The following EHMT1 variants were observed in gnomAD, a reference collection of about 807,000 sequenced individuals.
The protein encoded by EHMT1 is histone-lysine N-methyltransferase EHMT1.
In EHMT1, 15 loss-of-function variants were observed where a neutral mutation model predicts 147.2. The observed-to-expected ratio is 0.10, with a 90% CI of 0.07 to 0.16. The LOEUF (loss-of-function observed/expected upper bound fraction) is 0.16, where lower values mean the gene tolerates loss of function less well. EHMT1 is among the 10% of genes least tolerant of loss of function. EHMT1 has a pLI of 1.00. For synonymous variants in EHMT1, 795 were observed against 709.6 expected, an observed-to-expected ratio of 1.12 and a Z score of -1.91; for missense variants, 1,587 against 1,772.4, an observed-to-expected ratio of 0.90 and a Z score of 1.88.
chr9:137,679,575 G>T (rs1941739448), intron 1 of EHMT1, among the ~76,000 whole-genome samples: 1 of 152,154 alleles, frequency 6.6e-6, no homozygotes, highest in Non-Finnish European at 1.5e-5. Flanking sequence ...TGATGGGGTT[G>T]AGCATTTTCC....
rs1951474440 is a variant in EHMT1 at position 137,781,182 on chromosome 9, G to GTGACGACGCCGA, written c.2276-1109_2276-1108insTGACGACGCCGA. The stretch of plus-strand genomic sequence containing the variant: ...GCTGAGACGTGTGGTGATGACGCTG[G>GTGACGACGCCGA]GACGTGTGGTGACGACGCTGAGACG... On this transcript the variant is annotated intron_variant, in intron 14 of 26. Transcript: ENST00000460843. Among the ~76,000 whole-genome samples the GTGACGACGCCGA allele has an allele frequency of 1.7e-3, 5 of 2,934 alleles. 1 individual carries two copies. Among genetic ancestry groups the GTGACGACGCCGA allele is most frequent in the African/African-American group, 3.7e-3 (1 of 270 alleles). The allele number at this position is 2,934 out of a possible 152,430, so 1.9% of individuals were successfully genotyped here. A position where few individuals can be genotyped will look rare whatever the true frequency, so the allele number is the denominator to read the frequency against.
At chr9:137,739,601 C>A (rs1430955672) in intron 4 of EHMT1, among the ~76,000 whole-genome samples, 2 of 152,160 alleles carry the variant, frequency 1.3e-5, no homozygotes, top group Non-Finnish European at 2.9e-5. Context: ...CTGCAGGTCC[C>A]TGCTGGGTTC....
At chr9:137,646,475 C>A in intron 1 of EHMT1, 3 of 980,724 alleles carry the variant, frequency 3.1e-6, no homozygotes, top group Non-Finnish European at 3.6e-6. Context: ...GGAGTGCTCC[C>A]GTTTTGTGGG....
At chr9:137,728,550 G>A (rs2135785649) in intron 4 of EHMT1, 21 bp downstream of exon 4, 1 of 1,613,964 alleles carries the variant, frequency 6.2e-7, no homozygotes, top group Non-Finnish European at 8.5e-7. Flanking sequence ...CCCGGCAACT[G>A]TCTCTGCTCT....
intron 9 of EHMT1, among the ~76,000 whole-genome samples, chr9:137,760,495 T>C (rs991386991): frequency 2.0e-4 from 30 of 152,292 alleles, no homozygotes; most frequent in Admixed American, 1.7e-3. Context: ...TCCTGGTCTT[T>C]AGGGGTTTGG....
intron 24 of EHMT1, 28 bp downstream of exon 24, chr9:137,817,553 C>G: frequency 6.2e-7 from 1 of 1,613,772 alleles, no homozygotes; most frequent in Non-Finnish European, 8.5e-7. Context: ...TCACCCCAAG[C>G]CTGGTGTCAT....
chr9:137,767,783 A>G (rs898831394), intron 10 of EHMT1, among the ~76,000 whole-genome samples: 2 of 152,190 alleles, frequency 1.3e-5, no homozygotes, highest in Non-Finnish European at 2.9e-5. Flanking sequence ...ACTGCACTCC[A>G]GCCTGGGCGA....
chr9:137,819,757 G>A lies in EHMT1; in HGVS notation c.3540+1619G>A, dbSNP rs139707186. Among the ~76,000 whole-genome samples the A allele has an allele frequency of 1.8e-3, 270 of 152,044 alleles. 1 individual carries two copies. Among genetic ancestry groups the A allele is most frequent in the Admixed American group, 3.1e-3 (48 of 15,284 alleles). ...TGAGCCTCCTGGATTGTGCACAGAG[G>A]CCAACAGACACGTCCCTTGTGTCCC... On this transcript the variant is annotated intron_variant, in intron 25 of 26. Transcript: ENST00000460843.
Position 137,787,632 on chromosome 9 carries a change from A to C in EHMT1, c.2383-3216A>C. ...TCCCTGGCAACAAGCTGGGGGTGGA[A>C]GCGGGAGGGAGGAGGGGCCTGTCTT... On this transcript the variant is annotated intron_variant, in intron 15 of 26. Coordinates refer to ENST00000460843, the MANE Select transcript of EHMT1 (RefSeq NM_024757.5). This position sits in a 1 kb window ranked among gnomAD's most constrained non-coding sequence, Gnocchi z 4.2. 3.8e-6 allele frequency: 2 copies of C among 526,172 alleles called. No individual in the cohort carries two copies. The highest frequency in any genetic ancestry group is 3.4e-6 in the Non-Finnish European group (1 of 291,780). 32.6% of individuals were successfully genotyped at this position (526,172 alleles called of 1,614,324 possible).
intron 1 of EHMT1, among the ~76,000 whole-genome samples, chr9:137,697,697 C>T (rs538938003): frequency 6.6e-6 from 1 of 152,226 alleles, no homozygotes; most frequent in Non-Finnish European, 1.5e-5. Flanking sequence ...ATTCTTGCAT[C>T]CTTGTAAAAT....
chr9:137,711,156 G>C, intron 2 of EHMT1, 126 bp downstream of exon 2: 2 of 947,264 alleles, frequency 2.1e-6, no homozygotes, highest in Non-Finnish European at 1.5e-6. Flanking sequence ...TTATGGTATA[G>C]TTTCTAATCT....
chr9:137,743,771 A>T, intron 5 of EHMT1, 131 bp from the exon 6 acceptor site: 1 of 1,225,620 alleles, frequency 8.2e-7, no homozygotes. Flanking sequence ...TGGCAGGGGC[A>T]CCTCTTCGTG....
chr9:137,834,595 C>G, intron 26 of EHMT1, 71 bp downstream of exon 26: 1 of 1,601,380 alleles, frequency 6.2e-7, no homozygotes, highest in Non-Finnish European at 8.5e-7. Context: ...GCTCGCATTG[C>G]TTTCCTGGGC....
At position 137,717,626 on chromosome 9, in the gene EHMT1, A is replaced by AG. The variant is rs1945475772; in HGVS notation, c.642+445dup. Among the ~76,000 whole-genome samples, 115 of 140,294 alleles carry AG rather than the reference A, an allele frequency of 8.2e-4. 2 individuals are homozygous for AG. Among genetic ancestry groups the AG allele is most frequent in the African/African-American group, 3.1e-3 (113 of 36,532 alleles). 92.0% of individuals were successfully genotyped at this position (140,294 alleles called of 152,430 possible). ...GTCTCAAAAAAAAAAAAAAAAAAAA[A>AG]GAGATGCTGCTAATGCCTTGTGCGT... On this transcript the variant is annotated intron_variant, in intron 3 of 26. Transcript: ENST00000460843.
intron 4 of EHMT1, among the ~76,000 whole-genome samples, chr9:137,736,575 AG>A (rs1564662323): frequency 6.6e-6 from 1 of 152,242 alleles, no homozygotes; most frequent in African/African-American, 2.4e-5. Flanking sequence ...GCCACAAATA[AG>A]TCTCAATGTT....
chr9:137,762,188 C>A (rs998177640), intron 9 of EHMT1, among the ~76,000 whole-genome samples: 2 of 152,040 alleles, frequency 1.3e-5, no homozygotes, highest in Non-Finnish European at 2.9e-5. Context: ...AATAAATGGG[C>A]TCTTTGGACT....
intron 1 of EHMT1, among the ~76,000 whole-genome samples, chr9:137,619,799 A>G (rs1417764943): frequency 6.6e-6 from 1 of 152,126 alleles, no homozygotes. Flanking sequence ...GAAAGGAAGC[A>G]GCGTAGAGAT....
intron 25 of EHMT1, chr9:137,832,620 C>G (rs558026985): frequency 8.3e-5 from 13 of 155,922 alleles, no homozygotes; most frequent in Admixed American, 5.9e-4. Flanking sequence ...CCCACGTTGC[C>G]TATCTGCCTT....
chr9:137,744,646 A>T (rs1948397843), intron 6 of EHMT1, among the ~76,000 whole-genome samples: 1 of 152,238 alleles, frequency 6.6e-6, no homozygotes, highest in African/African-American at 2.4e-5. Flanking sequence ...CTCTAGATTG[A>T]CAGGAATGAT....
Sources: allele counts gnomAD v4.1 joint callset (sites outside exome capture counted in the v4.1 genomes callset), GRCh38; gene constraint gnomAD v4.1.1; non-coding constraint Gnocchi (gnomAD v3.1); transcripts MANE v1.5; gene names NCBI Gene and HGNC (gene_info 2026-07-23, HGNC 2026-07-21).